Variants in GLIS3 observed in about 807,000 individuals in gnomAD.
GLIS3 encodes GLIS family zinc finger 3.
In GLIS3, 53 loss-of-function variants were observed where a neutral mutation model predicts 78.6. The observed-to-expected ratio is 0.67, with a 90% confidence interval of 0.54 to 0.85. The LOEUF (loss-of-function observed/expected upper bound fraction) is 0.85. Among genes scored for constraint, GLIS3 ranks in the 40% least tolerant of loss-of-function variants. The pLI, the probability that GLIS3 is intolerant of heterozygous loss-of-function variation, is 0.00. For missense variants in GLIS3, 1,703 were observed against 1,231.1 expected (o/e 1.38, Z -5.74); for synonymous variants, 684 against 509.9 (o/e 1.34, Z -4.60).
At chr9:4,419,401 C>T in the GLIS3 span, among the ~76,000 whole-genome samples, 10 of 152,150 alleles carry the variant, frequency 6.6e-5, no homozygotes, top group African/African-American at 2.4e-4. Context: ...GGCATCTGCT[C>T]AGTTTCTGGG....
At chr9:4,249,030 A>T (rs1450067727) in intron 2 of GLIS3, among the ~76,000 whole-genome samples, 2 of 152,036 alleles carry the variant, frequency 1.3e-5, no homozygotes, top group Non-Finnish European at 2.9e-5. Flanking sequence ...TGGTTACTAT[A>T]CCCTTGTAGT....
intron 2 of GLIS3, among the ~76,000 whole-genome samples, chr9:4,219,141 G>A (rs1344905340): frequency 6.6e-6 from 1 of 152,218 alleles, no homozygotes; most frequent in Non-Finnish European, 1.5e-5. Flanking sequence ...ATAGCCAAAT[G>A]CTTTGAGCTT....
intron 4 of GLIS3, among the ~76,000 whole-genome samples, chr9:4,308,031 C>T: frequency 6.6e-6 from 1 of 152,176 alleles, no homozygotes; most frequent in African/African-American, 2.4e-5. Flanking sequence ...GAACCAAACA[C>T]TGCTGGCTCT....
At chr9:4,073,731 A>G (rs1343518497) in intron 4 of GLIS3, among the ~76,000 whole-genome samples, 3 of 152,204 alleles carry the variant, frequency 2.0e-5, no homozygotes, top group African/African-American at 4.8e-5. Flanking sequence ...TGCTCCCCCA[A>G]TAGCTTAGCT....
chr9:4,267,826 C>T (rs1045811896), intron 2 of GLIS3, among the ~76,000 whole-genome samples: 1 of 152,132 alleles, frequency 6.6e-6, no homozygotes, highest in African/African-American at 2.4e-5. Flanking sequence ...TTTTTTAAGC[C>T]TCATTCTCCT....
At chr9:4,328,049 CTCACTGTT>C (rs1817628704) in intron 2 of GLIS3, among the ~76,000 whole-genome samples, 1 of 152,230 alleles carries the variant, frequency 6.6e-6, no homozygotes, top group Admixed American at 6.5e-5. Context: ...TCTCCCACTC[CTCACTGTT>C]ATTAGGGCTG....
rs530064953 is a variant in GLIS3, at chr9:4,203,011, G to C, written c.389-77070C>G. ...ACTAAAGAACTTCTATACGGCAAAA[G>C]AAATTATCAGCAAAGAGACAACCTG... is the stretch of plus-strand genomic sequence containing the variant. On this transcript the variant is annotated intron_variant, in intron 2 of 10. Coordinates refer to ENST00000381971, the MANE Select transcript of GLIS3 (RefSeq NM_001042413.2). Among the ~76,000 whole-genome samples, 3 of 152,276 alleles carry C rather than the reference G, an allele frequency of 2.0e-5. No individual in the cohort carries two copies. The South Asian group carries it at 6.2e-4, about 32-fold the overall frequency.
In GLIS3 at chr9:4,166,897, A is replaced by G. The variant is rs555973355; in HGVS notation, c.389-40956T>C. Among the ~76,000 whole-genome samples the G allele has an allele frequency of 3.3e-5, 5 of 152,312 alleles. No individual in the cohort carries two copies. The South Asian group carries it at 1.0e-3, about 32-fold the overall frequency. On this transcript the variant is annotated intron_variant, in intron 2 of 10. Transcript: ENST00000381971. ...TCCATTTGCTGCAAAACCAGAGATG[A>G]GAGGAAGGAAGGGGATAAAAGCAAC...
chr9:4,232,382 TAAAAAAA>T (rs56725850), intron 2 of GLIS3, among the ~76,000 whole-genome samples: 1 of 101,670 alleles, frequency 9.8e-6, no homozygotes, highest in Non-Finnish European at 2.0e-5. Flanking sequence ...CCTTGTCTCT[TAAAAAAA>T]AAAAAAAAAA....
intron 2 of GLIS3, among the ~76,000 whole-genome samples, chr9:4,178,355 C>A (rs1338231497): frequency 1.3e-5 from 2 of 152,090 alleles, no homozygotes; most frequent in Non-Finnish European, 2.9e-5. Context: ...AGAGGTTGGA[C>A]AGGAGATCAT....
intron 2 of GLIS3, among the ~76,000 whole-genome samples, chr9:4,195,176 G>A (rs1344120856): frequency 1.3e-5 from 2 of 152,234 alleles, no homozygotes; most frequent in South Asian, 2.1e-4. Flanking sequence ...GCGCCTCCTC[G>A]GCCTCGGCGT....
intron 2 of GLIS3, among the ~76,000 whole-genome samples, chr9:4,127,378 A>AT (rs1260584120): frequency 9.2e-5 from 14 of 152,046 alleles, no homozygotes; most frequent in Non-Finnish European, 7.4e-5. Flanking sequence ...AATTTCTCTG[A>AT]TTTTCTTTCC....
intron 4 of GLIS3, among the ~76,000 whole-genome samples, chr9:4,103,933 A>G (rs970641465): frequency 6.6e-6 from 1 of 152,134 alleles, no homozygotes; most frequent in Non-Finnish European, 1.5e-5. Context: ...AGGGTAACAC[A>G]GCAACGCAAG....
At chr9:3,953,562 T>A (rs1340608776) in intron 4 of GLIS3, among the ~76,000 whole-genome samples, 1 of 152,206 alleles carries the variant, frequency 6.6e-6, no homozygotes, top group Non-Finnish European at 1.5e-5. Context: ...ATAGATGTTT[T>A]CTGCAGGCAA....
rs562353191 is a variant in GLIS3, at chr9:4,299,759, G to C, written c.-437C>G. 6.6e-6 allele frequency: 1 copy of C among 152,424 alleles called. No individual in the cohort carries two copies. The highest frequency in any genetic ancestry group is 2.1e-4 in the South Asian group (1 of 4,832). The allele number at this position is 152,424 out of a possible 1,614,324, so 9.4% of individuals were successfully genotyped here. A position where few individuals can be genotyped will look rare whatever the true frequency, so the allele number is the denominator to read the frequency against. On this transcript the variant is annotated 5_prime_UTR_variant, in exon 1 of 11. Coordinates refer to ENST00000381971, the MANE Select transcript of GLIS3 (RefSeq NM_001042413.2). ...CACACACAAATAATGTTTCTAAAAA[G>C]TTCAGTTGCGACTTTGTGCCTCGCC...
At chr9:4,266,487 T>G (rs1013466888) in intron 2 of GLIS3, among the ~76,000 whole-genome samples, 4 of 152,034 alleles carry the variant, frequency 2.6e-5, no homozygotes, top group Admixed American at 1.3e-4. Context: ...TCTCCTATAA[T>G]TAGGAACAAA....
chr9:3,899,965 G>T (rs1429517620), intron 6 of GLIS3, among the ~76,000 whole-genome samples: 1 of 152,168 alleles, frequency 6.6e-6, no homozygotes, highest in African/African-American at 2.4e-5. Context: ...GCCTCTTGAA[G>T]ATGGCATTTA....
intron 4 of GLIS3, among the ~76,000 whole-genome samples, chr9:4,059,829 T>TGTGTGTGTGTGTGTGTGAGAGAGAGAGA: frequency 2.0e-5 from 2 of 100,710 alleles, no homozygotes; most frequent in East Asian, 3.3e-4. Context: ...TGTGTGTGTG[T>TGTGTGTGTGTGTGTGTGAGAGAGAGAGA]GAGAGAGAGA....
intron 1 of GLIS3, among the ~76,000 whole-genome samples, chr9:4,290,783 A>G (rs1201632894): frequency 6.6e-6 from 1 of 152,160 alleles, no homozygotes. Context: ...GATGTCACCA[A>G]TAAATCAAAA....
Sources: allele counts gnomAD v4.1 joint callset (sites outside exome capture counted in the v4.1 genomes callset), GRCh38; gene constraint gnomAD v4.1.1; transcripts MANE v1.5; gene names NCBI Gene and HGNC (gene_info 2026-07-23, HGNC 2026-07-21).